Variants in CFAP46 observed in about 807,000 individuals in gnomAD.
CFAP46 encodes the protein cilia- and flagella-associated protein 46.
Under a neutral mutation model 325.7 loss-of-function variants are expected in CFAP46, and 245 were observed. The observed-to-expected ratio is 0.75, with a 90% confidence interval of 0.68 to 0.84. The LOEUF is 0.84. CFAP46 is among the 40% of genes least tolerant of loss of function. The pLI, the probability that CFAP46 is intolerant of heterozygous loss-of-function variation, is 0.00. For synonymous variants in CFAP46, 1,523 were observed against 1,495.9 expected, an observed-to-expected ratio of 1.02 and a Z score of -0.42; for missense variants, 3,346 against 3,543.0, an observed-to-expected ratio of 0.94 and a Z score of 1.41.
At chr10:132,860,688 G>C (rs1006856878) in intron 36 of CFAP46, 94 bp downstream of exon 36, 5 of 1,364,930 alleles carry the variant, frequency 3.7e-6, no homozygotes, top group Admixed American at 4.1e-5. Context: ...TGTCATCAGC[G>C]GTCTGCCAGG....
chr10:132,929,884 C>T lies in CFAP46; in HGVS notation c.867-80G>A, dbSNP rs1591097408. ...GCTGCAGGCGAGAATCCATGTCCCCCGTTCAAGCAGAAGCAGGAAATAAAG... is the reference window on the plus strand; with the variant it reads ...GCTGCAGGCGAGAATCCATGTCCCCTGTTCAAGCAGAAGCAGGAAATAAAG... On this transcript the variant is annotated intron_variant, in intron 8 of 57. Transcript: ENST00000368586. 10 of 941,640 alleles carry T rather than the reference C, an allele frequency of 1.1e-5. No homozygotes were observed. The East Asian group carries it at 1.2e-4, about 11-fold the overall frequency. 58.3% of individuals were successfully genotyped at this position (941,640 alleles called of 1,614,324 possible). A position where few individuals can be genotyped will look rare whatever the true frequency, so the allele number is the denominator to read the frequency against.
Position 132,942,570 on chromosome 10 carries a change from G to T in CFAP46, c.-86C>A. ...GTCGGTTGGGTTCTCCAGCCGCGAGGACCCGGCCACGGTTGCCTGGAGACC... is the reference window on the plus strand; with the variant it reads ...GTCGGTTGGGTTCTCCAGCCGCGAGTACCCGGCCACGGTTGCCTGGAGACC... On this transcript the variant is annotated 5_prime_UTR_variant, in exon 1 of 58. Coordinates refer to ENST00000368586, the MANE Select transcript of CFAP46 (RefSeq NM_001200049.3). The T allele has an allele frequency of 8.7e-7, 1 of 1,149,486 alleles. No individual in the cohort carries two copies. Among genetic ancestry groups the T allele is most frequent in the Non-Finnish European group, 1.1e-6 (1 of 910,002 alleles). The allele number at this position is 1,149,486 out of a possible 1,614,324, so 71.2% of individuals were successfully genotyped here. A position where few individuals can be genotyped will look rare whatever the true frequency, so the allele number is the denominator to read the frequency against.
Position 132,859,701 on chromosome 10 carries a change from G to A in CFAP46, c.5199-454C>T, listed in dbSNP as rs148947809. On this transcript the variant is annotated intron_variant, in intron 37 of 57. Transcript: ENST00000368586. ...CAGCAGGGCCCTGGGCTGCCCTCGC[G>A]CCAATGCAGGGAGCTCCACAAAGAT... Among the ~76,000 whole-genome samples the A allele has an allele frequency of 1.6e-3, 251 of 152,306 alleles. 1 individual carries two copies. Among genetic ancestry groups the A allele is most frequent in the Non-Finnish European group, 2.6e-3 (175 of 68,034 alleles).
rs900115002 is a variant in CFAP46, at chr10:132,885,904, G to A, written c.3360C>T (p.Ser1120=). ...CCTCCCAGTCGTCCTGGTCGGCATGGCTGTGGAAGAGCAGGCCGTAGAGCG... is the reference window on the plus strand; with the variant it reads ...CCTCCCAGTCGTCCTGGTCGGCATGACTGTGGAAGAGCAGGCCGTAGAGCG... The part of the protein sequence containing the change: ...RAALYGLLFH[S]HADQDDWEGG... Residue 1120 remains serine, a synonymous_variant, in exon 26 of 58, where the codon AGC becomes AGT. Transcript: ENST00000368586. 2.6e-5 allele frequency: 41 copies of A among 1,550,066 alleles called. No homozygotes were observed. Among genetic ancestry groups the A allele is most frequent in the Non-Finnish European group, 3.6e-5 (41 of 1,146,848 alleles).
intron 16 of CFAP46, 26 bp from the exon 17 acceptor site, chr10:132,916,708 G>C: frequency 3.5e-6 from 5 of 1,441,744 alleles, no homozygotes; most frequent in Non-Finnish European, 3.7e-6. Flanking sequence ...GCGGTGGGAG[G>C]GGTCATGGGC....
chr10:132,890,242 C>A (rs558359583), intron 25 of CFAP46, among the ~76,000 whole-genome samples: 31 of 152,264 alleles, frequency 2.0e-4, no homozygotes, highest in African/African-American at 7.2e-4. Context: ...CTCCTCTGCC[C>A]GAGCCACGTA....
chr10:132,855,434 T>C (rs1239741232), intron 39 of CFAP46, among the ~76,000 whole-genome samples: 1 of 152,242 alleles, frequency 6.6e-6, no homozygotes, highest in Non-Finnish European at 1.5e-5. Flanking sequence ...AGTGGCTTTC[T>C]TGTAGGTAGC....
chr10:132,919,210 C>T lies in CFAP46; in HGVS notation c.1858+105G>A. On this transcript the variant is annotated intron_variant, in intron 15 of 57. Transcript: ENST00000368586. The surrounding 1 kb of genome is among the most constrained non-coding windows in gnomAD (Gnocchi z 9.7). Reference sequence around the variant, plus strand: ...ATTGTGACTTAGCAATACGCTTTCTCATGCGAAGGCCCCATGGGTTGTCAT... The same window carrying T: ...ATTGTGACTTAGCAATACGCTTTCTTATGCGAAGGCCCCATGGGTTGTCAT... The T allele has an allele frequency of 8.2e-7, 1 of 1,222,210 alleles. No individual in the cohort carries two copies. Among genetic ancestry groups the T allele is most frequent in the Non-Finnish European group, 1.1e-6 (1 of 908,172 alleles). 75.7% of individuals were successfully genotyped at this position (1,222,210 alleles called of 1,614,324 possible).
intron 8 of CFAP46, among the ~76,000 whole-genome samples, chr10:132,931,544 A>G (rs1453519861): frequency 9.5e-6 from 1 of 105,040 alleles, no homozygotes; most frequent in Non-Finnish European, 1.9e-5. Context: ...AGGCCTCCCA[A>G]TACTTCTCAC....
At chr10:132,836,657 G>A (rs1394165033) in intron 45 of CFAP46, among the ~76,000 whole-genome samples, 160 bp downstream of exon 45, 7 of 152,220 alleles carry the variant, frequency 4.6e-5, no homozygotes, top group African/African-American at 4.8e-5. Flanking sequence ...TGGGGTACCC[G>A]GTGTCTGTCC....
chr10:132,837,774 CAG>C (rs1848285867), intron 44 of CFAP46, among the ~76,000 whole-genome samples: 1 of 149,438 alleles, frequency 6.7e-6, no homozygotes, highest in Non-Finnish European at 1.5e-5. Context: ...CACACGTACA[CAG>C]ATGCACACAG....
In CFAP46 at chr10:132,914,970, G is replaced by A. The variant is rs573395628; in HGVS notation, c.2120+1579C>T. Among the ~76,000 whole-genome samples the A allele has an allele frequency of 5.9e-5, 9 of 152,382 alleles. No individual in the cohort carries two copies. The South Asian group carries it at 1.9e-3, about 32-fold the overall frequency. ...TGCAGGCTCTGCCCTTCCCCAGGGAGCCGTCACACCGAGCGCAGGGCAGTC... is the reference window on the plus strand; with the variant it reads ...TGCAGGCTCTGCCCTTCCCCAGGGAACCGTCACACCGAGCGCAGGGCAGTC... On this transcript the variant is annotated intron_variant, in intron 17 of 57. Coordinates refer to ENST00000368586, the MANE Select transcript of CFAP46 (RefSeq NM_001200049.3).
chr10:132,924,583 T>G, intron 11 of CFAP46, 113 bp downstream of exon 11: 1 of 1,040,138 alleles, frequency 9.6e-7, no homozygotes, highest in Non-Finnish European at 1.3e-6. Flanking sequence ...ACAGGGGGAG[T>G]CTGTTGCTTG....
At position 132,877,370 on chromosome 10, in the gene CFAP46, G is replaced by A. The variant is rs190502494; in HGVS notation, c.4213-409C>T. On this transcript the variant is annotated intron_variant, in intron 30 of 57. Coordinates refer to ENST00000368586, the MANE Select transcript of CFAP46 (RefSeq NM_001200049.3). This position sits in a 1 kb window ranked among gnomAD's most constrained non-coding sequence, Gnocchi z 5.7. ...TGAGCGTCCTGCTCTGGGGAGCTGG[G>A]CAGCCAAGTGGTTTCTCAGACCTGC... Among the ~76,000 whole-genome samples the A allele has an allele frequency of 9.9e-3, 1,504 of 152,312 alleles. 15 individuals are homozygous for A. Among genetic ancestry groups the A allele is most frequent in the South Asian group, 0.044 (210 of 4,822 alleles).
chr10:132,874,497 T>C (rs370028894), intron 31 of CFAP46, among the ~76,000 whole-genome samples: 18 of 117,048 alleles, frequency 1.5e-4, no homozygotes, highest in Admixed American at 5.0e-4. Context: ...ATCAAGGTAA[T>C]TAATTCAAGG....
chr10:132,927,530 C>A (rs1053634088), intron 9 of CFAP46, among the ~76,000 whole-genome samples: 2 of 152,232 alleles, frequency 1.3e-5, no homozygotes, highest in African/African-American at 4.8e-5. Context: ...ATGGAGAGCG[C>A]AGGAGGCCAC....
At chr10:132,850,771 AACTTTTTTTTTT>A (rs999693694) in intron 40 of CFAP46, among the ~76,000 whole-genome samples, 1 of 152,148 alleles carries the variant, frequency 6.6e-6, no homozygotes, top group Non-Finnish European at 1.5e-5. Flanking sequence ...CTACATATTC[AACTTTTTTTTTT>A]ACCAAAATGG....
At chr10:132,837,199 T>G (rs2135028226) in intron 44 of CFAP46, 1 of 437,496 alleles carries the variant, frequency 2.3e-6, no homozygotes, top group East Asian at 4.3e-5. Context: ...AAGTGCATGT[T>G]CACCAAACCC....
intron 11 of CFAP46, among the ~76,000 whole-genome samples, chr10:132,923,998 GC>G (rs1849768195): frequency 6.6e-6 from 1 of 152,144 alleles, no homozygotes. Flanking sequence ...CAGACAGGGA[GC>G]GGGGGCTGAG....
Sources: gnomAD v4.1 joint callset for allele counts (sites outside exome capture counted in the v4.1 genomes callset) on GRCh38, gnomAD v4.1.1 for gene constraint, Gnocchi (gnomAD v3.1) non-coding constraint, MANE v1.5 for transcripts, NCBI Gene and HGNC (gene_info 2026-07-23, HGNC 2026-07-21) for gene names.